The following DSCAML1 variants were observed in gnomAD, a reference collection of about 807,000 sequenced individuals.
The protein encoded by DSCAML1 is cell adhesion molecule DSCAML1.
In DSCAML1, 38 loss-of-function variants were observed where a neutral mutation model predicts 200.5. The observed-to-expected ratio is 0.19, with a 90% CI of 0.15 to 0.25. DSCAML1 has a LOEUF of 0.25. DSCAML1 is among the 10% of genes least tolerant of loss of function. The pLI is 1.00. For synonymous variants in DSCAML1, 1,215 were observed against 1,165.0 expected, an observed-to-expected ratio of 1.04 and a Z score of -0.87; for missense variants, 2,223 against 2,858.8, an observed-to-expected ratio of 0.78 and a Z score of 5.07.
At chr11:117,566,595 T>C (rs1054760321) in intron 3 of DSCAML1, among the ~76,000 whole-genome samples, 3 of 151,892 alleles carry the variant, frequency 2.0e-5, no homozygotes, top group African/African-American at 7.3e-5. Context: ...ATTATTATTA[T>C]ACTTTAAGTT....
chr11:117,431,119 G>GCAGC, intron 31 of DSCAML1, 86 bp from the exon 32 acceptor site: 1 of 1,348,234 alleles, frequency 7.4e-7, no homozygotes, highest in Non-Finnish European at 1.0e-6. Flanking sequence ...CGTAACCCCA[G>GCAGC]CAGCCATCTG....
intron 3 of DSCAML1, among the ~76,000 whole-genome samples, chr11:117,761,797 G>C (rs1481524140): frequency 1.3e-5 from 2 of 152,208 alleles, no homozygotes; most frequent in Non-Finnish European, 2.9e-5. Context: ...CTTGAGCATG[G>C]CAGATGGAGG....
chr11:117,442,764 A>G (rs1304447324), intron 21 of DSCAML1, among the ~76,000 whole-genome samples: 1 of 152,102 alleles, frequency 6.6e-6, no homozygotes, highest in Admixed American at 6.5e-5. Context: ...TTCCTGAAGA[A>G]GAGGTTGGTG....
chr11:117,543,994 C>T (rs2050321664), intron 3 of DSCAML1, among the ~76,000 whole-genome samples: 1 of 152,074 alleles, frequency 6.6e-6, no homozygotes, highest in South Asian at 2.1e-4. Context: ...TCCCCCATTT[C>T]CTCTGCAAGG....
At chr11:117,544,094 C>T (rs2050324636) in intron 3 of DSCAML1, among the ~76,000 whole-genome samples, 1 of 152,078 alleles carries the variant, frequency 6.6e-6, no homozygotes, top group South Asian at 2.1e-4. Context: ...GCTTTGGCCA[C>T]AGGGTCAGAA....
Position 117,431,070 on chromosome 11 carries a change from G to A in DSCAML1, c.5375-37C>T, listed in dbSNP as rs370815277. ...AGAGGAAAGGGGTGGGTTACGGGGA[G>A]GAGGGTATAAGTGAGACTGACTGAG... On this transcript the variant is annotated intron_variant, in intron 31 of 32. Transcript: ENST00000651296. 17 of 1,573,538 alleles carry A rather than the reference G, an allele frequency of 1.1e-5. 1 individual carries two copies. The highest frequency in any genetic ancestry group is 3.4e-4 in the Middle Eastern group (2 of 5,882).
At position 117,762,673 on chromosome 11, in the gene DSCAML1, G is replaced by A. The variant is rs547625056; in HGVS notation, c.511+14118C>T. Among the ~76,000 whole-genome samples the A allele has an allele frequency of 3.9e-5, 6 of 152,086 alleles. No individual in the cohort carries two copies. In the East Asian group the frequency reaches 1.2e-3, roughly 29 times the overall value. Reference sequence around the variant, plus strand: ...AGGTCAGGAGTTTGAGACCAGACTGGCCAACATGGTGAAACCCCATCTCTA... The same window carrying A: ...AGGTCAGGAGTTTGAGACCAGACTGACCAACATGGTGAAACCCCATCTCTA... On this transcript the variant is annotated intron_variant, in intron 3 of 32. Transcript: ENST00000651296.
chr11:117,538,267 G>A (rs185794339), intron 3 of DSCAML1, among the ~76,000 whole-genome samples: 60 of 152,302 alleles, frequency 3.9e-4, no homozygotes, highest in Non-Finnish European at 6.9e-4. Flanking sequence ...CTATACTAGC[G>A]CAAGCCCCAT....
At chr11:117,644,670 G>C (rs1232643093) in intron 3 of DSCAML1, among the ~76,000 whole-genome samples, 1 of 152,236 alleles carries the variant, frequency 6.6e-6, no homozygotes, top group Non-Finnish European at 1.5e-5. Flanking sequence ...GAGCCGCGGA[G>C]TCCGCTCAGC....
Position 117,791,094 on chromosome 11 carries a change from T to C in DSCAML1, c.46+5940A>G, listed in dbSNP as rs200893285. Among the ~76,000 whole-genome samples the C allele has an allele frequency of 7.9e-5, 12 of 152,194 alleles. No individual in the cohort carries two copies. The East Asian group carries it at 2.3e-3, about 29-fold the overall frequency. On this transcript the variant is annotated intron_variant, in intron 1 of 32. Coordinates refer to ENST00000651296, the MANE Select transcript of DSCAML1 (RefSeq NM_020693.4). ...CATGGGTGGTCCCCAAGGCTAATGC[T>C]GTTCACTCTAAAGCAGCACAGGACA...
intron 3 of DSCAML1, among the ~76,000 whole-genome samples, chr11:117,658,323 C>T (rs1277834777): frequency 1.3e-5 from 2 of 152,144 alleles, no homozygotes; most frequent in African/African-American, 4.8e-5. Flanking sequence ...TTGTGGGTTG[C>T]CCCTTCTAGC....
intron 3 of DSCAML1, among the ~76,000 whole-genome samples, chr11:117,652,614 G>A (rs1464927149): frequency 6.6e-6 from 1 of 152,208 alleles, no homozygotes; most frequent in Admixed American, 6.5e-5. Context: ...GGTGATCCAT[G>A]GAAATCTAAA....
chr11:117,632,795 A>T (rs1342147195), intron 3 of DSCAML1, among the ~76,000 whole-genome samples: 1 of 152,238 alleles, frequency 6.6e-6, no homozygotes, highest in Non-Finnish European at 1.5e-5. Context: ...ATTCATAATA[A>T]TAGTAACTAC....
intron 14 of DSCAML1, among the ~76,000 whole-genome samples, chr11:117,477,778 T>C (rs1394025695): frequency 2.0e-5 from 3 of 152,162 alleles, no homozygotes; most frequent in African/African-American, 7.2e-5. Context: ...CCTCCAGTGA[T>C]AGCACACTGC....
rs140865145 is a variant in DSCAML1 at position 117,529,392 on chromosome 11, A to T, written c.658+2984T>A. ...CACGCCTGGCCTTTCTTAATAGGAG[A>T]TATTCTGTTTCATTCTCATGGCAAC... is the stretch of plus-strand genomic sequence containing the variant. On this transcript the variant is annotated intron_variant, in intron 4 of 32. Transcript: ENST00000651296. Among the ~76,000 whole-genome samples the T allele has an allele frequency of 3.9e-3, 591 of 152,022 alleles. 7 individuals carry two copies. The highest frequency in any genetic ancestry group is 0.013 in the African/African-American group (542 of 41,446).
rs1165501427 is a variant in DSCAML1 at position 117,433,474 on chromosome 11, G to A, written c.4877-3C>T. The A allele has an allele frequency of 6.2e-7, 1 of 1,612,746 alleles. No individual in the cohort carries two copies. Among genetic ancestry groups the A allele is most frequent in the Non-Finnish European group, 8.5e-7 (1 of 1,179,740 alleles). On this transcript the variant is annotated splice_polypyrimidine_tract_variant and splice_region_variant and intron_variant, in intron 27 of 32. Coordinates refer to ENST00000651296, the MANE Select transcript of DSCAML1 (RefSeq NM_020693.4). The stretch of plus-strand genomic sequence containing the variant: ...CATTTCTGCCAAACTCTTTGCATCT[G>A]CAAAACAGTAGAGGGAGAGGAGGGC...
chr11:117,620,254 C>A (rs2051900730), intron 3 of DSCAML1, among the ~76,000 whole-genome samples: 1 of 152,148 alleles, frequency 6.6e-6, no homozygotes, highest in Admixed American at 6.5e-5. Context: ...CTTCCCCATA[C>A]AAAAGAGAAC....
chr11:117,455,703 G>A (rs118100246), intron 19 of DSCAML1, among the ~76,000 whole-genome samples: 2,077 of 152,142 alleles, frequency 0.014, 43 homozygotes, highest in South Asian at 0.017. Flanking sequence ...GTGGGATCAC[G>A]GTGTCTTCAG....
intron 11 of DSCAML1, among the ~76,000 whole-genome samples, chr11:117,483,682 C>A (rs185204449): frequency 1.3e-5 from 2 of 152,214 alleles, no homozygotes; most frequent in African/African-American, 2.4e-5. Flanking sequence ...GCAGGAGAAT[C>A]TGCTTGAGCC....
Sources: gnomAD v4.1 joint callset for allele counts (sites outside exome capture counted in the v4.1 genomes callset) on GRCh38, gnomAD v4.1.1 for gene constraint, MANE v1.5 for transcripts, NCBI Gene and HGNC (gene_info 2026-07-23, HGNC 2026-07-21) for gene names.